The following FAT3 variants were observed in gnomAD, a reference collection of about 807,000 sequenced individuals.
FAT3 encodes FAT atypical cadherin 3.
A neutral mutation model predicts 310.2 loss-of-function variants in FAT3; 95 were observed. The ratio of observed to expected loss-of-function variants is 0.31; its 90% CI spans 0.26 to 0.36. The LOEUF is 0.36. Among genes scored for constraint, FAT3 ranks in the 10% least tolerant of loss-of-function variants. The probability of loss-of-function intolerance (pLI) is 1.00; values close to 1 mark genes in which losing one functional copy is unlikely to be tolerated. For missense variants in FAT3, 5,408 were observed against 5,715.6 expected, an observed-to-expected ratio of 0.95 and a Z score of 1.74; for synonymous variants, 2,314 against 2,192.9, an observed-to-expected ratio of 1.06 and a Z score of -1.54.
chr11:92,845,592 G>A (rs1018000153), intron 19 of FAT3, among the ~76,000 whole-genome samples: 5 of 152,168 alleles, frequency 3.3e-5, no homozygotes, highest in African/African-American at 1.2e-4. Context: ...AGAGTCACAT[G>A]CCCGTAGTGA....
intron 2 of FAT3, among the ~76,000 whole-genome samples, chr11:92,360,609 A>G (rs559138746): frequency 1.1e-4 from 16 of 152,354 alleles, no homozygotes; most frequent in East Asian, 5.8e-4. Flanking sequence ...AACTTGATCA[A>G]TGGTTTCACC....
At chr11:92,474,123 C>T (rs576479460) in intron 2 of FAT3, among the ~76,000 whole-genome samples, 2 of 152,308 alleles carry the variant, frequency 1.3e-5, no homozygotes, top group African/African-American at 4.8e-5. Flanking sequence ...ACTGCTCCAA[C>T]AGCTTCTTAT....
chr11:92,801,192 G>A lies in FAT3; in HGVS notation c.8179G>A (p.Val2727Met), dbSNP rs1442363470. The A allele has an allele frequency of 6.2e-7, 1 of 1,613,888 alleles. No individual in the cohort carries two copies. Among genetic ancestry groups the A allele is most frequent in the Non-Finnish European group, 8.5e-7 (1 of 1,179,870 alleles). The change falls in exon 10 of 28, where the codon GTG (valine) becomes ATG (methionine). Residue 2727 changes from valine to methionine, a missense_variant. Physicochemically the swap from Val to Met is conservative, Grantham distance 21. This residue lies in a region of FAT3 where 4,588 missense variants were observed against 4,809.8 expected (regional missense o/e 0.95). Transcript: ENST00000525166. ...IAEDTAIGST[V>M]DTLRILPSQN... ...AGAAGATACAGCCATTGGGAGTACA[G>A]TGGACACCCTGAGGATTTTGCCCAG...
rs76549365 is a variant in FAT3 at position 92,787,158 on chromosome 11, A to G, written c.4336-2785A>G. Among the ~76,000 whole-genome samples, 1,145 of 152,292 alleles carry G rather than the reference A, an allele frequency of 7.5e-3. 8 individuals carry two copies. Among genetic ancestry groups the G allele is most frequent in the Admixed American group, 0.013 (195 of 15,276 alleles). ...CAAAACCCTCCCCAGTTGAGAACTG[A>G]TGTTAATGTTATGTTAACTGTAACT... On this transcript the variant is annotated intron_variant, in intron 7 of 27. Coordinates refer to ENST00000525166, the MANE Select transcript of FAT3 (RefSeq NM_001367949.2).
At position 92,789,958 on chromosome 11, in the gene FAT3, C is replaced by G; in HGVS notation, c.4351C>G (p.Leu1451Val). Residue 1451 changes from leucine (L) to valine (V), a missense_variant, in exon 8 of 28, where the codon CTG (leucine) becomes GTG (valine). Around this residue, in one of 5 missense-constraint regions of FAT3, gnomAD observed 4,588 missense variants for 4,809.8 expected, o/e 0.95. Transcript: ENST00000525166. ...VAVTQVFIKV[L>V]DNNDNGPEFS... ...TTAACTACAGGTATTTATCAAAGTG[C>G]TGGATAATAATGATAATGGCCCAGA... 4 of 1,613,542 alleles carry G rather than the reference C, an allele frequency of 2.5e-6. No homozygotes were observed. Among genetic ancestry groups the G allele is most frequent in the African/African-American group, 1.3e-5 (1 of 74,992 alleles).
intron 26 of FAT3, among the ~76,000 whole-genome samples, chr11:92,889,451 C>T (rs7128750): frequency 6.6e-6 from 1 of 151,178 alleles, no homozygotes; most frequent in Admixed American, 6.6e-5. Context: ...TATAAGGTAC[C>T]CTCTTTATAA....
At position 92,551,420 on chromosome 11, in the gene FAT3, G is replaced by T. The variant is rs866560299; in HGVS notation, c.3607+26472G>T. 1.8e-4 allele frequency among the ~76,000 whole-genome samples: 12 copies of T among 67,432 alleles called. No homozygotes were observed. The South Asian group carries it at 3.6e-3, about 20-fold the overall frequency. The allele number at this position is 67,432 out of a possible 152,430, so 44.2% of individuals were successfully genotyped here. On this transcript the variant is annotated intron_variant, in intron 3 of 27. Coordinates refer to ENST00000525166, the MANE Select transcript of FAT3 (RefSeq NM_001367949.2). Reference sequence around the variant, plus strand: ...GTCCCATGTTTTTTTTGTTTTGTGTGTGTGTGTGTGTGTGTGTGTGTGTGT... The same window carrying T: ...GTCCCATGTTTTTTTTGTTTTGTGTTTGTGTGTGTGTGTGTGTGTGTGTGT...
At chr11:92,256,387 C>T (rs1865316958) in intron 1 of FAT3, among the ~76,000 whole-genome samples, 1 of 151,398 alleles carries the variant, frequency 6.6e-6, no homozygotes, top group African/African-American at 2.4e-5. Flanking sequence ...CCAGTGATCA[C>T]AATTGTTTAT....
intron 3 of FAT3, among the ~76,000 whole-genome samples, chr11:92,554,897 C>T (rs963315739): frequency 1.3e-5 from 2 of 152,204 alleles, no homozygotes; most frequent in African/African-American, 4.8e-5. Flanking sequence ...GTCTGCTGCA[C>T]TGAAGCTCAT....
chr11:92,337,505 C>T (rs1321430695), intron 1 of FAT3, among the ~76,000 whole-genome samples: 2 of 152,300 alleles, frequency 1.3e-5, no homozygotes, highest in East Asian at 1.9e-4. Context: ...GATCTCAGCT[C>T]ACTGCAACCT....
chr11:92,439,372 C>G (rs1331042987), intron 2 of FAT3, among the ~76,000 whole-genome samples: 2 of 152,096 alleles, frequency 1.3e-5, no homozygotes, highest in Non-Finnish European at 2.9e-5. Context: ...AGAACTCTCC[C>G]TATAAGATAA....
At chr11:92,771,207 T>C (rs1422244036) in intron 6 of FAT3, among the ~76,000 whole-genome samples, 1 of 152,156 alleles carries the variant, frequency 6.6e-6, no homozygotes, top group Non-Finnish European at 1.5e-5. Context: ...ACTCTGGCTT[T>C]GCATGTTCTG....
chr11:92,602,389 C>T (rs1940071980), intron 3 of FAT3, among the ~76,000 whole-genome samples: 1 of 152,190 alleles, frequency 6.6e-6, no homozygotes, highest in Admixed American at 6.5e-5. Context: ...AGGTGTGAGC[C>T]ACATCACCTG....
chr11:92,566,858 C>T (rs1430017727), intron 3 of FAT3, among the ~76,000 whole-genome samples: 1 of 152,172 alleles, frequency 6.6e-6, no homozygotes, highest in Non-Finnish European at 1.5e-5. Context: ...AACTGGATCC[C>T]TTCCACACAC....
intron 1 of FAT3, among the ~76,000 whole-genome samples, chr11:92,261,921 T>A (rs1193994464): frequency 6.6e-6 from 1 of 152,050 alleles, no homozygotes; most frequent in East Asian, 1.9e-4. Context: ...TGTATTTTAT[T>A]TTATTTTGCC....
intron 2 of FAT3, among the ~76,000 whole-genome samples, chr11:92,373,197 T>C (rs998473490): frequency 5.3e-5 from 8 of 152,172 alleles, no homozygotes; most frequent in African/African-American, 1.9e-4. Flanking sequence ...ATCACCACTA[T>C]CGTCTAGTAC....
chr11:92,542,350 C>G (rs1954477454), intron 3 of FAT3, among the ~76,000 whole-genome samples: 1 of 151,938 alleles, frequency 6.6e-6, no homozygotes, highest in South Asian at 2.1e-4. Flanking sequence ...TTATGTCAAA[C>G]TAAAAGCTTC....
chr11:92,533,722 C>G (rs1017547651), intron 3 of FAT3, among the ~76,000 whole-genome samples: 4 of 152,102 alleles, frequency 2.6e-5, no homozygotes, highest in African/African-American at 7.2e-5. Flanking sequence ...AGCTATAGTT[C>G]ATTCTAGGAG....
At chr11:92,493,998 A>G (rs1383380570) in intron 2 of FAT3, among the ~76,000 whole-genome samples, 1 of 151,276 alleles carries the variant, frequency 6.6e-6, no homozygotes, top group Non-Finnish European at 1.5e-5. Flanking sequence ...CAGCTGTATG[A>G]TCTCATGCAA....
Sources: gnomAD v4.1 joint callset for allele counts (sites outside exome capture counted in the v4.1 genomes callset) on GRCh38, gnomAD v4.1.1 for gene constraint, gnomAD v4.1.1 regional missense constraint, MANE v1.5 for transcripts, NCBI Gene and HGNC (gene_info 2026-07-23, HGNC 2026-07-21) for gene names.